Variants in ARMC10 observed in about 807,000 individuals in gnomAD.
ARMC10 encodes armadillo repeat-containing protein 10.
A neutral mutation model predicts 30.2 loss-of-function variants in ARMC10; 23 were observed. The ratio of observed to expected loss-of-function variants is 0.76; its 90% CI spans 0.55 to 1.08. ARMC10 has a LOEUF of 1.08. ARMC10 is among the 50% of genes least tolerant of loss of function. The pLI, the probability that ARMC10 is intolerant of heterozygous loss-of-function variation, is 0.00. For missense variants in ARMC10, 303 were observed against 413.7 expected (o/e 0.73, Z 2.32); for synonymous variants, 111 against 164.4 (o/e 0.68, Z 2.48).
intron 2 of ARMC10, among the ~76,000 whole-genome samples, chr7:103,078,313 G>C (rs536269839): frequency 3.4e-4 from 52 of 152,262 alleles, no homozygotes; most frequent in Non-Finnish European, 5.7e-4. Context: ...TCCCTACATC[G>C]TGGGAGGGAC....
Position 103,087,679 on chromosome 7 carries a change from A to G in ARMC10, c.528+915A>G, listed in dbSNP as rs190995176. ...GCTCCTATGAAGAAAAAAACAACAA[A>G]TAACCAAACTTTATTTCCTTGAATA... On this transcript the variant is annotated intron_variant, in intron 4 of 6. Coordinates refer to ENST00000323716, the MANE Select transcript of ARMC10 (RefSeq NM_031905.5). 4.0e-6 allele frequency: 3 copies of G among 742,070 alleles called. No individual in the cohort carries two copies. In the Admixed American group the frequency reaches 1.9e-4, roughly 46 times the overall value. The allele number at this position is 742,070 out of a possible 1,614,324, so 46.0% of individuals were successfully genotyped here.
rs1802015866 is a variant in ARMC10, at chr7:103,099,134, A to G, written c.*581A>G. ...TATATAAAATAGTGTGATCAATCAC[A>G]ATGTCCATCTTTAGACAGTTGGTTA... On this transcript the variant is annotated 3_prime_UTR_variant, in exon 7 of 7. Coordinates refer to ENST00000323716, the MANE Select transcript of ARMC10 (RefSeq NM_031905.5). The G allele has an allele frequency of 7.5e-6, 1 of 133,362 alleles. No individual in the cohort carries two copies. Among genetic ancestry groups the G allele is most frequent in the Non-Finnish European group, 1.6e-5 (1 of 61,308 alleles). 8.3% of individuals were successfully genotyped at this position (133,362 alleles called of 1,614,324 possible). A position where few individuals can be genotyped will look rare whatever the true frequency, so the allele number is the denominator to read the frequency against.
intron 4 of ARMC10, among the ~76,000 whole-genome samples, chr7:103,090,483 A>AC (rs369289539): frequency 2.0e-5 from 3 of 151,976 alleles, no homozygotes; most frequent in African/African-American, 4.8e-5. Flanking sequence ...ACATAGTGAG[A>AC]CCCCATTTCT....
intron 2 of ARMC10, among the ~76,000 whole-genome samples, chr7:103,077,070 A>AT (rs1221898217): frequency 2.0e-5 from 3 of 151,868 alleles, no homozygotes; most frequent in East Asian, 1.9e-4. Context: ...AATTTTTCCA[A>AT]TTTTTTAGGA....
intron 2 of ARMC10, among the ~76,000 whole-genome samples, chr7:103,081,622 G>A (rs1002040617): frequency 1.3e-5 from 2 of 152,110 alleles, no homozygotes; most frequent in African/African-American, 2.4e-5. Flanking sequence ...TGATCTGCCC[G>A]CCTCAGCCTC....
chr7:103,081,989 T>C (rs1453082872), intron 2 of ARMC10: 2 of 451,170 alleles, frequency 4.4e-6, no homozygotes, highest in Non-Finnish European at 8.9e-6. Context: ...AGGCAGATCC[T>C]TGAACAATCC....
intron 3 of ARMC10, among the ~76,000 whole-genome samples, 153 bp from the exon 4 acceptor site, chr7:103,086,474 GATT>G (rs1175010581): frequency 6.6e-6 from 1 of 151,964 alleles, no homozygotes; most frequent in Non-Finnish European, 1.5e-5. Context: ...TGGGTAGTGA[GATT>G]TTTTTAAAAT....
At chr7:103,082,010 T>TTC (rs2129520990) in intron 2 of ARMC10, 2 of 423,090 alleles carry the variant, frequency 4.7e-6, no homozygotes, top group Non-Finnish European at 9.4e-6. Flanking sequence ...TGGCTTCAGT[T>TTC]TCTTCCTGTG....
rs1800888554 is a variant in ARMC10 at position 103,086,662 on chromosome 7, T to C, written c.426T>C (p.Ile142=). The C allele has an allele frequency of 6.3e-7, 1 of 1,592,766 alleles. No homozygotes were observed. The highest frequency in any genetic ancestry group is 1.4e-5 in the African/African-American group (1 of 73,340). The change falls in exon 4 of 7, where the codon ATT becomes ATC. Residue 142 remains isoleucine, a synonymous_variant. Transcript: ENST00000323716. ...AIIRELGGIP[I]VANKINHSNQ... is the part of the protein sequence containing the mutation. ...TTCGTGAATTGGGTGGTATTCCAAT[T>C]GTTGCAAACAAAATCAACCATTCCA...
intron 3 of ARMC10, 93 bp from the exon 4 acceptor site, chr7:103,086,537 T>C (rs1800870097): frequency 1.5e-6 from 2 of 1,369,436 alleles, no homozygotes; most frequent in Non-Finnish European, 2.0e-6. Context: ...AAGCCGTTGA[T>C]TTTTAATTGT....
At chr7:103,081,387 C>T (rs957617977) in intron 2 of ARMC10, among the ~76,000 whole-genome samples, 1 of 152,128 alleles carries the variant, frequency 6.6e-6, no homozygotes, top group Non-Finnish European at 1.5e-5. Context: ...AAAACAAAAA[C>T]AAAAACAAGG....
chr7:103,082,983 C>T (rs1554525287), intron 2 of ARMC10: 1 of 444,712 alleles, frequency 2.2e-6, no homozygotes, highest in Non-Finnish European at 4.5e-6. Flanking sequence ...GATTGGTTTA[C>T]TCTCATAGCT....
chr7:103,086,462 T>C (rs992125151), intron 3 of ARMC10, among the ~76,000 whole-genome samples, 168 bp from the exon 4 acceptor site: 4 of 152,160 alleles, frequency 2.6e-5, no homozygotes, highest in Non-Finnish European at 2.9e-5. Context: ...CCTATAAAAG[T>C]ATGGGTAGTG....
intron 2 of ARMC10, among the ~76,000 whole-genome samples, chr7:103,077,493 G>A (rs1360346959): frequency 6.6e-6 from 1 of 152,048 alleles, no homozygotes; most frequent in Admixed American, 6.6e-5. Context: ...AAGGCCAGAG[G>A]GGCAAGTGTG....
Position 103,086,616 on chromosome 7 carries a change from T to A in ARMC10, c.394-14T>A. 6.3e-7 allele frequency: 1 copy of A among 1,581,134 alleles called. No individual in the cohort carries two copies. The highest frequency in any genetic ancestry group is 8.5e-7 in the Non-Finnish European group (1 of 1,172,092). Reference sequence around the variant, plus strand: ...AGTCCCAGTCCTGCTTTTTTTTTTTTTTTCCCCTCGTAGGCTATTATTCGT... The same window carrying A: ...AGTCCCAGTCCTGCTTTTTTTTTTTATTTCCCCTCGTAGGCTATTATTCGT... On this transcript the variant is annotated splice_polypyrimidine_tract_variant and intron_variant, in intron 3 of 6. Coordinates refer to ENST00000323716, the MANE Select transcript of ARMC10 (RefSeq NM_031905.5).
rs749196956 is a variant in ARMC10 at position 103,075,858 on chromosome 7, A to G, written c.221A>G (p.Gln74Arg). Residue 74 changes from glutamine (Q) to arginine (R), a missense_variant, in exon 2 of 7, where the codon CAG becomes CGG. Around this residue, in one of 4 missense-constraint regions of ARMC10, gnomAD observed 96 missense variants for 84.2 expected, o/e 1.14. Transcript: ENST00000323716. ...CAGACGGGAGGTACCTGGGAGTCAC[A>G]GTGGTCCAAGACCTCGCAGCCTGGT... ...RPQTGGTWES[Q>R]WSKTSQPEDL... 6.2e-7 allele frequency: 1 copy of G among 1,609,650 alleles called. No individual in the cohort carries two copies.
chr7:103,076,945 T>TGGCGCAATCACAGCTGCAGC (rs1174589458), intron 2 of ARMC10, among the ~76,000 whole-genome samples: 14 of 152,044 alleles, frequency 9.2e-5, no homozygotes, highest in East Asian at 4.0e-4. Flanking sequence ...CTCGGTGCAG[T>TGGCGCAATCACAGCTGCAGC]GGCGCAATCA....
chr7:103,090,981 G>T (rs1801264885), intron 4 of ARMC10, among the ~76,000 whole-genome samples: 1 of 29,590 alleles, frequency 3.4e-5, no homozygotes, highest in African/African-American at 3.7e-5. Flanking sequence ...ATACATTTGG[G>T]ATTTTTTTTA....
chr7:103,085,157 C>CAGAGTA lies in ARMC10; in HGVS notation c.393+1328_393+1333dup, dbSNP rs905432374. On this transcript the variant is annotated intron_variant, in intron 3 of 6. Transcript: ENST00000323716. ...GTATTCCTCTAAAATAAGTTGTAGT[C>CAGAGTA]AGAGTAGGCCAGTACCCACTGGAGA... 1.1e-4 allele frequency among the ~76,000 whole-genome samples: 3 copies of CAGAGTA among 26,262 alleles called. No individual in the cohort carries two copies. In the Non-Finnish European group the frequency reaches 4.7e-3, roughly 41 times the overall value. 17.2% of individuals were successfully genotyped at this position (26,262 alleles called of 152,430 possible). A position where few individuals can be genotyped will look rare whatever the true frequency, so the allele number is the denominator to read the frequency against.
Sources: gnomAD v4.1 joint callset for allele counts (sites outside exome capture counted in the v4.1 genomes callset) on GRCh38, gnomAD v4.1.1 for gene constraint, gnomAD v4.1.1 regional missense constraint, MANE v1.5 for transcripts, NCBI Gene and HGNC (gene_info 2026-07-23, HGNC 2026-07-21) for gene names.